CDH23: variants seen among roughly 807,000 people sequenced by gnomAD.
The protein encoded by CDH23 is cadherin-23.
Under a neutral mutation model 317.1 loss-of-function variants are expected in CDH23, and 189 were observed. That is an observed-to-expected ratio of 0.60 (90% CI 0.53 to 0.67). The LOEUF (loss-of-function observed/expected upper bound fraction) is 0.67, where lower values mean the gene tolerates loss of function less well. CDH23 is among the 30% of genes least tolerant of loss of function. The pLI, the probability that CDH23 is intolerant of heterozygous loss-of-function variation, is 0.00. For missense variants in CDH23, 4,401 were observed against 4,592.4 expected (o/e 0.96, Z 1.20); for synonymous variants, 1,839 against 1,876.8 (o/e 0.98, Z 0.52).
chr10:71,778,268 A>C lies in CDH23; in HGVS notation c.5147A>C (p.Gln1716Pro), dbSNP rs758382198. ...ACCCTGATCGTCACTGCCACAGACCAGTGCCCCATCTTATCCCACCGCCTC... is the reference window on the plus strand; with the variant it reads ...ACCCTGATCGTCACTGCCACAGACCCGTGCCCCATCTTATCCCACCGCCTC... ...RYTLIVTATDQCPILSHRLTS... is the reference protein window; with the variant it reads ...RYTLIVTATDPCPILSHRLTS... Residue 1716 changes from glutamine (Q) to proline (P), a missense_variant, in exon 40 of 70, where the codon CAG becomes CCG. By Grantham distance (76) the Gln-to-Pro change is moderately conservative. Coordinates refer to ENST00000224721, the MANE Select transcript of CDH23 (RefSeq NM_022124.6). 6.2e-7 allele frequency: 1 copy of C among 1,613,886 alleles called. No homozygotes were observed. The highest frequency in any genetic ancestry group is 2.2e-5 in the East Asian group (1 of 44,866).
At chr10:71,630,214 G>A (rs1033714354) in intron 11 of CDH23, among the ~76,000 whole-genome samples, 3 of 152,082 alleles carry the variant, frequency 2.0e-5, no homozygotes, top group African/African-American at 7.2e-5. Context: ...TAGAGATGGG[G>A]CCTCACTACA....
intron 2 of CDH23, 22 bp from the exon 3 acceptor site, chr10:71,446,296 G>A (rs1356732765): frequency 1.2e-6 from 2 of 1,612,756 alleles, no homozygotes; most frequent in South Asian, 1.1e-5. Context: ...CTTGGCTGAC[G>A]CTCTTGTCCT....
chr10:71,647,125 A>C, intron 14 of CDH23: 7 of 975,690 alleles, frequency 7.2e-6, no homozygotes, highest in Non-Finnish European at 8.5e-6. Flanking sequence ...GAAACCCTTA[A>C]GTAGTTCAAG....
In CDH23 at chr10:71,709,222, G is replaced by A; in HGVS notation, c.3220+11G>A. On this transcript the variant is annotated intron_variant, in intron 27 of 69. Transcript: ENST00000224721. ...TCCTGGAGGCCATCGGTATGCACCAGTCCCGCACCCACCAACACAGTGATC... is the reference window on the plus strand; with the variant it reads ...TCCTGGAGGCCATCGGTATGCACCAATCCCGCACCCACCAACACAGTGATC... 1 of 1,606,550 alleles carries A rather than the reference G, an allele frequency of 6.2e-7. No homozygotes were observed. The highest frequency in any genetic ancestry group is 1.1e-5 in the South Asian group (1 of 90,962).
intron 3 of CDH23, among the ~76,000 whole-genome samples, chr10:71,504,861 A>G (rs1447532816): frequency 6.6e-6 from 1 of 152,198 alleles, no homozygotes; most frequent in Non-Finnish European, 1.5e-5. Flanking sequence ...GTTGTTAAAT[A>G]TTTGAATATC....
Position 71,752,164 on chromosome 10 carries a change from A to C in CDH23, c.4845+10243A>C, listed in dbSNP as rs1010813949. The C allele has an allele frequency of 1.3e-5, 7 of 526,308 alleles. No individual in the cohort carries two copies. The Admixed American group carries it at 2.0e-4, about 15-fold the overall frequency. 32.6% of individuals were successfully genotyped at this position (526,308 alleles called of 1,614,324 possible). A position where few individuals can be genotyped will look rare whatever the true frequency, so the allele number is the denominator to read the frequency against. Reference sequence around the variant, plus strand: ...GCCAAAAATCACAGACACTTCTAGAACTTCAGCCTCAGGAATTTGGGGACA... The same window carrying C: ...GCCAAAAATCACAGACACTTCTAGACCTTCAGCCTCAGGAATTTGGGGACA... On this transcript the variant is annotated intron_variant, in intron 38 of 69. Coordinates refer to ENST00000224721, the MANE Select transcript of CDH23 (RefSeq NM_022124.6).
At chr10:71,811,775 G>A in intron 65 of CDH23, 22 bp downstream of exon 65, 1 of 1,563,304 alleles carries the variant, frequency 6.4e-7, no homozygotes. Flanking sequence ...CCATAGTGGG[G>A]ACACAGGTGA....
chr10:71,439,716 C>A (rs557662357), intron 1 of CDH23, 111 bp from the exon 2 acceptor site: 4 of 741,332 alleles, frequency 5.4e-6, no homozygotes, highest in Non-Finnish European at 6.9e-6. Context: ...TCCTTCTCCT[C>A]CCTTCCCAGC....
At chr10:71,616,138 G>A (rs1051887251) in intron 10 of CDH23, among the ~76,000 whole-genome samples, 1 of 152,204 alleles carries the variant, frequency 6.6e-6, no homozygotes, top group African/African-American at 2.4e-5. Context: ...TGCCACTCAC[G>A]GTCGGTTTCA....
intron 6 of CDH23, among the ~76,000 whole-genome samples, chr10:71,520,379 G>A (rs952504338): frequency 1.3e-5 from 2 of 152,240 alleles, no homozygotes; most frequent in African/African-American, 4.8e-5. Flanking sequence ...CCAGCACAGG[G>A]TGACCCTGGA....
intron 19 of CDH23, 47 bp from the exon 20 acceptor site, chr10:71,690,421 G>A (rs1011597284): frequency 5.5e-6 from 8 of 1,441,790 alleles, no homozygotes; most frequent in South Asian, 1.2e-5. Context: ...GAAGCCAGGG[G>A]CCCAGGGTGA....
intron 6 of CDH23, among the ~76,000 whole-genome samples, chr10:71,521,975 C>T (rs951621571): frequency 6.6e-5 from 10 of 152,244 alleles, no homozygotes; most frequent in African/African-American, 4.8e-5. Flanking sequence ...GAGTCTTGGG[C>T]GAGTCGTCTC....
intron 40 of CDH23, 118 bp downstream of exon 40, chr10:71,778,426 C>T (rs1201792800): frequency 8.3e-6 from 11 of 1,322,526 alleles, no homozygotes; most frequent in Non-Finnish European, 1.1e-5. Flanking sequence ...TGCCTAAATC[C>T]AAGACCCCTG....
Position 71,433,298 on chromosome 10 carries a change from C to T in CDH23, c.-5-6529C>T, listed in dbSNP as rs368935971. ...CCTTTTGGGTATCTATCATAAGTTA[C>T]GCAGCAGTGGGCATCCCTGTGGCTT... On this transcript the variant is annotated intron_variant, in intron 1 of 69. Transcript: ENST00000224721. Among the ~76,000 whole-genome samples the T allele has an allele frequency of 5.3e-5, 8 of 152,292 alleles. No individual in the cohort carries two copies. The East Asian group carries it at 5.8e-4, about 11-fold the overall frequency.
intron 6 of CDH23, among the ~76,000 whole-genome samples, chr10:71,518,777 C>T (rs1030917702): frequency 6.6e-6 from 1 of 152,198 alleles, no homozygotes; most frequent in African/African-American, 2.4e-5. Context: ...TTCTTAGGTG[C>T]CAAGGAGGGA....
chr10:71,415,050 A>T (rs541814206), intron 1 of CDH23, among the ~76,000 whole-genome samples: 1 of 152,106 alleles, frequency 6.6e-6, no homozygotes, highest in Non-Finnish European at 1.5e-5. Flanking sequence ...ATCTACAGTG[A>T]TATCTTTTCA....
intron 6 of CDH23, 100 bp downstream of exon 6, chr10:71,511,312 C>G: frequency 9.0e-7 from 1 of 1,111,430 alleles, no homozygotes; most frequent in Non-Finnish European, 1.4e-6. Context: ...GCAGCTGTGG[C>G]TCTTCTGCCC....
chr10:71,567,158 A>C (rs1857456954), intron 7 of CDH23, among the ~76,000 whole-genome samples: 1 of 152,226 alleles, frequency 6.6e-6, no homozygotes, highest in South Asian at 2.1e-4. Context: ...TTAAACCTCA[A>C]GCAGCCCCGT....
chr10:71,792,852 A>AAAAAAAATATAT (rs1841297946), intron 47 of CDH23, among the ~76,000 whole-genome samples: 1 of 38,520 alleles, frequency 2.6e-5, no homozygotes, highest in Non-Finnish European at 4.6e-5. Flanking sequence ...AAAAAAAAAA[A>AAAAAAAATATAT]ATATATATAT....
Sources: gnomAD v4.1 joint callset for allele counts (sites outside exome capture counted in the v4.1 genomes callset) on GRCh38, gnomAD v4.1.1 for gene constraint, MANE v1.5 for transcripts, NCBI Gene and HGNC (gene_info 2026-07-23, HGNC 2026-07-21) for gene names.